The following SMAD2 variants were observed in gnomAD, a reference collection of about 807,000 sequenced individuals.
The protein encoded by SMAD2 is MAD homolog 2.
Under a neutral mutation model 64.4 loss-of-function variants are expected in SMAD2, and 8 were observed. The observed-to-expected ratio is 0.12, with a 90% CI of 0.07 to 0.22. The LOEUF is 0.22. SMAD2 is among the 10% of genes least tolerant of loss of function. The probability of loss-of-function intolerance (pLI) is 1.00; values close to 1 mark genes in which losing one functional copy is unlikely to be tolerated. For synonymous variants in SMAD2, 203 were observed against 195.8 expected, an observed-to-expected ratio of 1.04 and a Z score of -0.31; for missense variants, 289 against 561.2, an observed-to-expected ratio of 0.51 and a Z score of 4.90.
In SMAD2 at chr18:47,917,003, CAG is replaced by C. The variant is rs924631164; in HGVS notation, c.-54+13356_-54+13357del. Among the ~76,000 whole-genome samples, 6 of 152,294 alleles carry C rather than the reference CAG, an allele frequency of 3.9e-5. No individual in the cohort carries two copies. The South Asian group carries it at 6.2e-4, about 16-fold the overall frequency. Reference sequence around the variant, plus strand: ...ATTTTTGTTGTTGTCGTTGTTGAGACAGAGTCTCGCTGACACTATTTTTGTTG... The same window carrying C: ...ATTTTTGTTGTTGTCGTTGTTGAGACAGTCTCGCTGACACTATTTTTGTTG... On this transcript the variant is annotated intron_variant, in intron 1 of 10. Transcript: ENST00000262160.
chr18:47,898,973 G>A (rs1246082824), intron 1 of SMAD2, among the ~76,000 whole-genome samples: 3 of 151,630 alleles, frequency 2.0e-5, no homozygotes, highest in Non-Finnish European at 4.4e-5. Context: ...AAACTACACT[G>A]TTGAGCTGGG....
Position 47,838,622 on chromosome 18 carries a change from T to G in SMAD2, c.*3205A>C. On this transcript the variant is annotated 3_prime_UTR_variant, in exon 11 of 11. Transcript: ENST00000262160. ...TCAGCGGTATTCCAGAAGGTAGGCC[T>G]AAATCCAGTTATATTTTTCTAATCG... 1 of 233,094 alleles carries G rather than the reference T, an allele frequency of 4.3e-6. No homozygotes were observed. Among genetic ancestry groups the G allele is most frequent in the East Asian group, 6.0e-5 (1 of 16,638 alleles). 14.4% of individuals were successfully genotyped at this position (233,094 alleles called of 1,614,324 possible).
At chr18:47,889,998 G>T (rs1257031239) in intron 2 of SMAD2, among the ~76,000 whole-genome samples, 2 of 152,186 alleles carry the variant, frequency 1.3e-5, no homozygotes, top group African/African-American at 4.8e-5. Context: ...AAGGGACAAA[G>T]GTCCTAGGGC....
At position 47,811,695 on chromosome 18, in the gene SMAD2, T is replaced by C. The variant is rs924022425; in HGVS notation, c.*30132A>G. ...AGACAATGAGAGCAGCTGATCAAAA[T>C]GGAACCCTATGAAAGGCAAAGAGCA... On this transcript the variant is annotated 3_prime_UTR_variant, in exon 11 of 11. Transcript: ENST00000262160. The C allele has an allele frequency of 2.0e-5, 3 of 152,026 alleles. No individual in the cohort carries two copies. The highest frequency in any genetic ancestry group is 7.2e-5 in the African/African-American group (3 of 41,382). 9.4% of individuals were successfully genotyped at this position (152,026 alleles called of 1,614,324 possible). A position where few individuals can be genotyped will look rare whatever the true frequency, so the allele number is the denominator to read the frequency against.
Position 47,841,476 on chromosome 18 carries a change from AT to A in SMAD2, c.*350del. ...TCATCTATGCAAACTAAAAATGTAT[AT>A]AAACAGCACAATACTGTGATACTGG... On this transcript the variant is annotated 3_prime_UTR_variant, in exon 11 of 11. Coordinates refer to ENST00000262160, the MANE Select transcript of SMAD2 (RefSeq NM_005901.6). The A allele has an allele frequency of 1.8e-5, 7 of 394,390 alleles. No homozygotes were observed. In the South Asian group the frequency reaches 2.2e-4, roughly 13 times the overall value. 24.4% of individuals were successfully genotyped at this position (394,390 alleles called of 1,614,324 possible).
chr18:47,874,837 T>C (rs1312686901), intron 2 of SMAD2, among the ~76,000 whole-genome samples: 1 of 152,160 alleles, frequency 6.6e-6, no homozygotes, highest in African/African-American at 2.4e-5. Flanking sequence ...TGTGTATACA[T>C]ACATAAACAT....
chr18:47,853,618 G>A (rs2030367505), intron 6 of SMAD2, among the ~76,000 whole-genome samples: 1 of 151,492 alleles, frequency 6.6e-6, no homozygotes, highest in South Asian at 2.1e-4. Flanking sequence ...AAAATACCAG[G>A]CAATAAAGGT....
chr18:47,858,273 A>G (rs2030889329), intron 6 of SMAD2, among the ~76,000 whole-genome samples: 1 of 152,190 alleles, frequency 6.6e-6, no homozygotes, highest in Non-Finnish European at 1.5e-5. Context: ...TAGCTAAAAA[A>G]TAAAGGATCT....
chr18:47,917,457 T>C (rs2034381001), intron 1 of SMAD2, among the ~76,000 whole-genome samples: 1 of 152,218 alleles, frequency 6.6e-6, no homozygotes, highest in Non-Finnish European at 1.5e-5. Flanking sequence ...AGATTACATA[T>C]TGGGTTTATG....
At chr18:47,912,858 C>CAAA (rs566813544) in intron 1 of SMAD2, among the ~76,000 whole-genome samples, 42 of 59,216 alleles carry the variant, frequency 7.1e-4, no homozygotes, top group African/African-American at 1.7e-3. Context: ...GTATAAACAG[C>CAAA]AAAAAAAAAA....
intron 2 of SMAD2, among the ~76,000 whole-genome samples, chr18:47,873,231 T>C (rs74738356): frequency 0.023 from 3,420 of 151,974 alleles, 124 homozygotes; most frequent in African/African-American, 0.078. Context: ...ATAGTGAGAG[T>C]TGTATAAGCA....
intron 2 of SMAD2, among the ~76,000 whole-genome samples, chr18:47,886,050 T>C (rs1465654821): frequency 6.6e-6 from 1 of 152,174 alleles, no homozygotes; most frequent in Non-Finnish European, 1.5e-5. Context: ...GACTTGAGCG[T>C]CTCCAAATTT....
At chr18:47,906,496 G>A (rs529708716) in intron 1 of SMAD2, among the ~76,000 whole-genome samples, 3 of 152,218 alleles carry the variant, frequency 2.0e-5, no homozygotes, top group East Asian at 3.9e-4. Flanking sequence ...TCAGGAAAAC[G>A]CAAACTAAAA....
intron 6 of SMAD2, among the ~76,000 whole-genome samples, chr18:47,858,057 T>C (rs985947001): frequency 5.3e-5 from 8 of 152,126 alleles, no homozygotes; most frequent in Non-Finnish European, 7.4e-5. Context: ...AAAGAGTTGG[T>C]CTTTCCAAAG....
chr18:47,862,976 C>A (rs1250735460), intron 6 of SMAD2, among the ~76,000 whole-genome samples: 1 of 150,542 alleles, frequency 6.6e-6, no homozygotes. Context: ...TCTTGACCAG[C>A]AAAATCTAAA....
rs1367849934 is a variant in SMAD2 at position 47,818,170 on chromosome 18, TCTG to T, written c.*23654_*23656del. On this transcript the variant is annotated 3_prime_UTR_variant, in exon 11 of 11. Coordinates refer to ENST00000262160, the MANE Select transcript of SMAD2 (RefSeq NM_005901.6). ...TAATTTTTTTTCTGCCTACTTTAAATCTGCTGTTTCTGCCAGTGTTGAGATGAA... is the reference window on the plus strand; with the variant it reads ...TAATTTTTTTTCTGCCTACTTTAAATCTGTTTCTGCCAGTGTTGAGATGAA... 6.6e-6 allele frequency: 1 copy of T among 152,164 alleles called. No homozygotes were observed. The highest frequency in any genetic ancestry group is 1.5e-5 in the Non-Finnish European group (1 of 68,030). The allele number at this position is 152,164 out of a possible 1,614,324, so 9.4% of individuals were successfully genotyped here. A position where few individuals can be genotyped will look rare whatever the true frequency, so the allele number is the denominator to read the frequency against.
chr18:47,902,628 A>C (rs932820591), intron 1 of SMAD2, among the ~76,000 whole-genome samples: 1 of 152,224 alleles, frequency 6.6e-6, no homozygotes, highest in African/African-American at 2.4e-5. Context: ...TATATACTTA[A>C]AAAGTATTCC....
At position 47,832,406 on chromosome 18, in the gene SMAD2, T is replaced by C. The variant is rs1249830691; in HGVS notation, c.*9421A>G. The C allele has an allele frequency of 1.3e-5, 2 of 152,178 alleles. No individual in the cohort carries two copies. Among genetic ancestry groups the C allele is most frequent in the Non-Finnish European group, 2.9e-5 (2 of 68,028 alleles). 9.4% of individuals were successfully genotyped at this position (152,178 alleles called of 1,614,324 possible). On this transcript the variant is annotated 3_prime_UTR_variant, in exon 11 of 11. Coordinates refer to ENST00000262160, the MANE Select transcript of SMAD2 (RefSeq NM_005901.6). ...AGCAATTACAGTAAATTTTCTTGGG[T>C]TTCTTCCTAATAAAAAAGTGTTGAT... is the stretch of plus-strand genomic sequence containing the variant.
intron 2 of SMAD2, 129 bp downstream of exon 2, chr18:47,896,392 A>G: frequency 2.1e-6 from 2 of 933,636 alleles, no homozygotes; most frequent in Non-Finnish European, 3.4e-6. Context: ...AACAATTTAT[A>G]CAAGGTTAAA....
Sources: allele counts gnomAD v4.1 joint callset (sites outside exome capture counted in the v4.1 genomes callset), GRCh38; gene constraint gnomAD v4.1.1; transcripts MANE v1.5; gene names NCBI Gene and HGNC (gene_info 2026-07-23, HGNC 2026-07-21).